Variants in DGKG observed in about 807,000 individuals in gnomAD.
DGKG encodes diacylglycerol kinase gamma, also known as DAG kinase gamma.
In DGKG, 78 loss-of-function variants were observed where a neutral mutation model predicts 105.3. The ratio of observed to expected loss-of-function variants is 0.74; its 90% CI spans 0.62 to 0.89. DGKG has a LOEUF of 0.89. DGKG is among the 40% of genes least tolerant of loss of function. The pLI, the probability that DGKG is intolerant of heterozygous loss-of-function variation, is 0.00. For synonymous variants in DGKG, 346 were observed against 367.1 expected, an observed-to-expected ratio of 0.94 and a Z score of 0.66; for missense variants, 958 against 1,020.1, an observed-to-expected ratio of 0.94 and a Z score of 0.83.
chr3:186,271,415 T>C (rs1372125665), intron 11 of DGKG, among the ~76,000 whole-genome samples: 3 of 152,116 alleles, frequency 2.0e-5, no homozygotes, highest in African/African-American at 7.2e-5. Context: ...ATAACCAGCA[T>C]GGCCTGGGGG....
intron 1 of DGKG, among the ~76,000 whole-genome samples, chr3:186,348,987 T>A (rs940376922): frequency 6.6e-6 from 1 of 152,072 alleles, no homozygotes; most frequent in Non-Finnish European, 1.5e-5. Context: ...TTTTTTTATT[T>A]AAAAATTATT....
chr3:186,298,603 T>C (rs532065141), intron 3 of DGKG, among the ~76,000 whole-genome samples: 2 of 152,312 alleles, frequency 1.3e-5, no homozygotes, highest in East Asian at 3.9e-4. Flanking sequence ...TCCAGGCCTG[T>C]GTGAGGGATG....
intron 16 of DGKG, among the ~76,000 whole-genome samples, chr3:186,259,233 C>T (rs1043927605): frequency 2.6e-5 from 4 of 152,222 alleles, no homozygotes; most frequent in Admixed American, 1.3e-4. Context: ...CCACCTGGCT[C>T]GTCGTCTCAG....
At chr3:186,312,386 G>A (rs1228695754) in intron 2 of DGKG, among the ~76,000 whole-genome samples, 1 of 152,118 alleles carries the variant, frequency 6.6e-6, no homozygotes, top group East Asian at 1.9e-4. Flanking sequence ...CTGGGCCACA[G>A]CCTGAGATTC....
chr3:186,299,804 TCTTTCTTTC>T (rs1412792322), intron 3 of DGKG, among the ~76,000 whole-genome samples: 1 of 99,192 alleles, frequency 1.0e-5, no homozygotes, highest in African/African-American at 4.0e-5. Flanking sequence ...TTTCTTTCTT[TCTTTCTTTC>T]TTTCTTTCTT....
chr3:186,307,646 C>T (rs888173739), intron 2 of DGKG, among the ~76,000 whole-genome samples: 1 of 152,200 alleles, frequency 6.6e-6, no homozygotes, highest in African/African-American at 2.4e-5. Context: ...TGTTAACTGG[C>T]TGGTGAGTCT....
At chr3:186,187,454 A>G (rs1717697109) in intron 22 of DGKG, among the ~76,000 whole-genome samples, 1 of 152,104 alleles carries the variant, frequency 6.6e-6, no homozygotes, top group South Asian at 2.1e-4. Flanking sequence ...CAATGGAGAG[A>G]AATAAGGCTG....
chr3:186,340,177 G>T (rs181059136), intron 1 of DGKG, among the ~76,000 whole-genome samples: 2 of 152,170 alleles, frequency 1.3e-5, no homozygotes, highest in Non-Finnish European at 2.9e-5. Flanking sequence ...GAAGAGGATG[G>T]GAGGGAAAGA....
At chr3:186,318,226 C>A (rs1023840969) in intron 2 of DGKG, among the ~76,000 whole-genome samples, 1 of 152,152 alleles carries the variant, frequency 6.6e-6, no homozygotes, top group Non-Finnish European at 1.5e-5. Flanking sequence ...AGACCTCCTG[C>A]TATCCCCACG....
At chr3:186,233,542 C>T (rs528905792) in intron 20 of DGKG, among the ~76,000 whole-genome samples, 9 of 152,304 alleles carry the variant, frequency 5.9e-5, no homozygotes, top group East Asian at 1.9e-4. Flanking sequence ...TGCAGTGGCG[C>T]GATCTCGGCT....
chr3:186,193,705 A>G (rs1445528996), intron 21 of DGKG, among the ~76,000 whole-genome samples: 1 of 152,170 alleles, frequency 6.6e-6, no homozygotes, highest in Non-Finnish European at 1.5e-5. Context: ...GCCTAAATGG[A>G]ACGCCGGCCC....
chr3:186,245,190 T>C (rs761608693), intron 19 of DGKG, among the ~76,000 whole-genome samples: 5 of 152,224 alleles, frequency 3.3e-5, no homozygotes, highest in Non-Finnish European at 7.3e-5. Flanking sequence ...GGTTTTTCCA[T>C]AACTAGGTTT....
chr3:186,325,031 A>C (rs1157822309), intron 1 of DGKG, among the ~76,000 whole-genome samples: 1 of 152,270 alleles, frequency 6.6e-6, no homozygotes, highest in Non-Finnish European at 1.5e-5. Context: ...CACAGCCGTA[A>C]AAAAGAATGA....
chr3:186,217,278 T>C (rs6805508), intron 20 of DGKG, among the ~76,000 whole-genome samples: 17,575 of 152,188 alleles, frequency 0.12, 1,132 homozygotes, highest in Middle Eastern at 0.2. Context: ...CATTTTTTTT[T>C]CCCCTCTTAC....
intron 22 of DGKG, among the ~76,000 whole-genome samples, chr3:186,179,934 C>T (rs1717279071): frequency 6.6e-6 from 1 of 152,190 alleles, no homozygotes; most frequent in African/African-American, 2.4e-5. Flanking sequence ...AAAACAATCC[C>T]CTAACTCACT....
intron 2 of DGKG, among the ~76,000 whole-genome samples, chr3:186,308,287 A>C (rs1007999089): frequency 6.6e-6 from 1 of 152,224 alleles, no homozygotes; most frequent in African/African-American, 2.4e-5. Flanking sequence ...TTGTTATTAA[A>C]AACACATTAT....
chr3:186,176,638 C>T (rs146990780), intron 22 of DGKG, among the ~76,000 whole-genome samples: 44 of 152,286 alleles, frequency 2.9e-4, no homozygotes, highest in African/African-American at 9.6e-4. Flanking sequence ...CACCAGCTAA[C>T]GCAGTCTTGG....
chr3:186,207,712 G>A (rs1578665554), intron 21 of DGKG, among the ~76,000 whole-genome samples: 1 of 56,252 alleles, frequency 1.8e-5, no homozygotes, highest in Non-Finnish European at 6.0e-5. Context: ...CTCCAAGTCA[G>A]GGCCCTGGCC....
At chr3:186,360,634 A>G (rs1727182966) in intron 1 of DGKG, among the ~76,000 whole-genome samples, 1 of 152,170 alleles carries the variant, frequency 6.6e-6, no homozygotes, top group Non-Finnish European at 1.5e-5. Context: ...AAACCTCGAC[A>G]TTTGCCCTCT....
Sources: gnomAD v4.1 joint callset for allele counts (sites outside exome capture counted in the v4.1 genomes callset) on GRCh38, gnomAD v4.1.1 for gene constraint, MANE v1.5 for transcripts, NCBI Gene and HGNC (gene_info 2026-07-23, HGNC 2026-07-21) for gene names.